Variants in NHSL2 observed in about 807,000 individuals in gnomAD.
NHSL2 encodes the protein NHS like 2.
NHSL2 carries 27 observed loss-of-function variants against 53.4 expected under a neutral mutation model. The ratio of observed to expected loss-of-function variants is 0.51; its 90% CI spans 0.37 to 0.70. The LOEUF (loss-of-function observed/expected upper bound fraction) is 0.70, where lower values mean the gene tolerates loss of function less well. Among genes scored for constraint, NHSL2 ranks in the 30% least tolerant of loss-of-function variants. NHSL2 has a pLI of 0.00. For missense variants in NHSL2, 892 were observed against 980.1 expected, an observed-to-expected ratio of 0.91 and a Z score of 1.20; for synonymous variants, 408 against 404.1, an observed-to-expected ratio of 1.01 and a Z score of -0.12.
Position 72,138,674 on chromosome X carries a change from G to A in NHSL2, c.1126G>A (p.Val376Ile). 1 of 1,189,097 alleles carries A rather than the reference G, an allele frequency of 8.4e-7. No homozygotes were observed. Among genetic ancestry groups the A allele is most frequent in the Non-Finnish European group, 1.1e-6 (1 of 883,313 alleles). The change falls in exon 6 of 8, where the codon GTC becomes ATC. Residue 376 changes from valine (V) to isoleucine (I), a missense_variant. By Grantham distance (29) the Val-to-Ile change is conservative. Transcript: ENST00000633930. ...GMESMGMVYS[V>I]PSSCNGPTES... ...GGAGAGCATGGGAATGGTGTACAGT[G>A]TCCCCAGTTCTTGCAATGGACCTAC... is the stretch of plus-strand genomic sequence containing the variant.
intron 1 of NHSL2, among the ~76,000 whole-genome samples, chrX:71,996,272 C>T (rs968244987): frequency 1.2e-4 from 14 of 112,760 alleles, no homozygotes; most frequent in African/African-American, 3.9e-4. Context: ...TCTTTCAAAG[C>T]GCCATCTTAT....
intron 1 of NHSL2, among the ~76,000 whole-genome samples, chrX:72,121,527 C>T (rs1602384766): frequency 8.9e-6 from 1 of 111,862 alleles, no homozygotes; most frequent in Non-Finnish European, 1.9e-5. Flanking sequence ...AGTGTGACCG[C>T]CTCAGCCCCA....
chrX:72,030,900 G>T (rs2042211499), intron 1 of NHSL2, among the ~76,000 whole-genome samples: 1 of 111,818 alleles, frequency 8.9e-6, no homozygotes, highest in Non-Finnish European at 1.9e-5. Context: ...CCCAATGCAG[G>T]TAGGAGTGGG....
intron 1 of NHSL2, among the ~76,000 whole-genome samples, chrX:71,960,816 T>C (rs1339757427): frequency 8.9e-6 from 1 of 112,581 alleles, no homozygotes; most frequent in Non-Finnish European, 1.9e-5. Context: ...AGTGTGTGTC[T>C]TCCAACTGTG....
Position 72,140,205 on chromosome X carries a change from A to G in NHSL2, c.2657A>G (p.His886Arg), listed in dbSNP as rs752773923. ...PVARRPPSLV[H>R]KPPSVPEEYA... ...GCCCGGAGGCCTCCAAGCTTGGTCCACAAGCCACCATCTGTTCCTGAGGAG... is the reference window on the plus strand; with the variant it reads ...GCCCGGAGGCCTCCAAGCTTGGTCCGCAAGCCACCATCTGTTCCTGAGGAG... The change falls in exon 6 of 8, where the codon CAC becomes CGC. Residue 886 changes from histidine to arginine, a missense_variant. Transcript: ENST00000633930. The G allele has an allele frequency of 2.5e-6, 3 of 1,210,298 alleles. No individual in the cohort carries two copies. The South Asian group carries it at 5.3e-5, about 21-fold the overall frequency.
intron 1 of NHSL2, among the ~76,000 whole-genome samples, chrX:72,061,177 A>C (rs2042397398): frequency 8.9e-6 from 1 of 112,378 alleles, no homozygotes; most frequent in South Asian, 3.7e-4. Context: ...TGCTGGATCA[A>C]ATTGTCCTCA....
At chrX:71,916,677 A>T (rs1473494661) in intron 1 of NHSL2, among the ~76,000 whole-genome samples, 1 of 111,786 alleles carries the variant, frequency 8.9e-6, no homozygotes, top group Non-Finnish European at 1.9e-5. Context: ...ATACCAGAAG[A>T]TTCTTCTGCT....
Position 72,031,578 on chromosome X carries a change from A to G in NHSL2, c.281-100501A>G, listed in dbSNP as rs751419913. 4.5e-5 allele frequency among the ~76,000 whole-genome samples: 5 copies of G among 111,715 alleles called. No individual in the cohort carries two copies. In the South Asian group the frequency reaches 1.9e-3, roughly 42 times the overall value. On this transcript the variant is annotated intron_variant, in intron 1 of 7. Coordinates refer to ENST00000633930, the MANE Select transcript of NHSL2 (RefSeq NM_001013627.3). ...TCTAGGACTCATTTTCATCTGTGAG[A>G]TGGGATTAAAGTGCCAACCTTGTCA... is the stretch of plus-strand genomic sequence containing the variant.
chrX:72,071,799 C>T (rs1183223281), intron 1 of NHSL2, among the ~76,000 whole-genome samples: 2 of 111,621 alleles, frequency 1.8e-5, no homozygotes, highest in Non-Finnish European at 3.8e-5. Context: ...TCCTTCACTC[C>T]TCTCTCTCTC....
chrX:72,134,298 T>G, intron 3 of NHSL2, 80 bp downstream of exon 3: 2 of 1,031,719 alleles, frequency 1.9e-6, no homozygotes, highest in Non-Finnish European at 2.6e-6. Flanking sequence ...CTTTACCCAC[T>G]GGAAGCTGCT....
chrX:72,105,347 C>A (rs905701723), intron 1 of NHSL2, among the ~76,000 whole-genome samples: 2 of 111,159 alleles, frequency 1.8e-5, no homozygotes, highest in Non-Finnish European at 3.8e-5. Flanking sequence ...TCCCTCCCAC[C>A]CTGCAGGCCT....
chrX:71,980,348 T>G (rs1343962787), intron 1 of NHSL2, among the ~76,000 whole-genome samples: 1 of 111,621 alleles, frequency 9.0e-6, no homozygotes, highest in Non-Finnish European at 1.9e-5. Flanking sequence ...TAAATTACCT[T>G]GGGCAGTATG....
Position 72,150,958 on chromosome X carries a change from A to G in NHSL2, c.*7384A>G, listed in dbSNP as rs2042507813. On this transcript the variant is annotated 3_prime_UTR_variant, in exon 8 of 8. Coordinates refer to ENST00000633930, the MANE Select transcript of NHSL2 (RefSeq NM_001013627.3). ...GGGCTACATGTGGTCTCTGTAGCAC[A>G]TTCTTCTTTGTTGTTGCTGTTTGTT... The G allele has an allele frequency of 9.0e-6, 1 of 111,621 alleles. No individual in the cohort carries two copies. Among genetic ancestry groups the G allele is most frequent in the South Asian group, 3.7e-4 (1 of 2,694 alleles). The allele number at this position is 111,621 out of a possible 1,213,427, so 9.2% of individuals were successfully genotyped here. A position where few individuals can be genotyped will look rare whatever the true frequency, so the allele number is the denominator to read the frequency against.
At chrX:72,033,526 G>A (rs939116874) in intron 1 of NHSL2, among the ~76,000 whole-genome samples, 12 of 112,085 alleles carry the variant, frequency 1.1e-4, no homozygotes, top group Middle Eastern at 4.6e-3. Flanking sequence ...TCCAATCCAC[G>A]AACATAGTAT....
In NHSL2 at chrX:72,150,103, C is replaced by A. The variant is rs1158070546; in HGVS notation, c.*6529C>A. On this transcript the variant is annotated 3_prime_UTR_variant, in exon 8 of 8. Transcript: ENST00000633930. Reference sequence around the variant, plus strand: ...CTTTAAGGGAAAATGTTCAAGAGTTCTTTAATTCATTAATCCAAAGACAAA... The same window carrying A: ...CTTTAAGGGAAAATGTTCAAGAGTTATTTAATTCATTAATCCAAAGACAAA... 8.9e-6 allele frequency: 1 copy of A among 112,829 alleles called. No homozygotes were observed. The highest frequency in any genetic ancestry group is 1.9e-5 in the Non-Finnish European group (1 of 53,342). 9.3% of individuals were successfully genotyped at this position (112,829 alleles called of 1,213,427 possible).
At chrX:72,050,388 G>A (rs990061889) in intron 1 of NHSL2, among the ~76,000 whole-genome samples, 3 of 111,437 alleles carry the variant, frequency 2.7e-5, no homozygotes, top group African/African-American at 9.8e-5. Context: ...GTAAGTGTCT[G>A]TAGGCTTCTA....
At chrX:72,070,680 G>A (rs2042462641) in intron 1 of NHSL2, among the ~76,000 whole-genome samples, 1 of 108,490 alleles carries the variant, frequency 9.2e-6, no homozygotes, top group African/African-American at 3.4e-5. Context: ...TTCTCTCTGT[G>A]CCCTCCTCCC....
chrX:72,067,203 C>T lies in NHSL2; in HGVS notation c.281-64876C>T, dbSNP rs1259990683. ...GGGCTTCTGTAGCCCTGGTCATGTT[C>T]AACTTCTTGACCTAAGTAGGGGTAC... On this transcript the variant is annotated intron_variant, in intron 1 of 7. Transcript: ENST00000633930. Among the ~76,000 whole-genome samples the T allele has an allele frequency of 2.7e-5, 3 of 111,302 alleles. No homozygotes were observed. In the East Asian group the frequency reaches 8.4e-4, roughly 31 times the overall value.
At chrX:71,941,006 G>C (rs11798652) in intron 1 of NHSL2, among the ~76,000 whole-genome samples, 5,815 of 111,622 alleles carry the variant, frequency 0.052, 196 homozygotes, top group East Asian at 0.27. Flanking sequence ...GGGCAATGGA[G>C]TAAGAAAGGT....
Sources: gnomAD v4.1 joint callset for allele counts (sites outside exome capture counted in the v4.1 genomes callset) on GRCh38, gnomAD v4.1.1 for gene constraint, MANE v1.5 for transcripts, NCBI Gene and HGNC (gene_info 2026-07-23, HGNC 2026-07-21) for gene names.